The following PCDHGA6 variants were observed in gnomAD, a reference collection of about 807,000 sequenced individuals.
PCDHGA6 encodes the protein protocadherin gamma-A6.
Under a neutral mutation model 60.6 loss-of-function variants are expected in PCDHGA6, and 41 were observed. The observed-to-expected ratio is 0.68, with a 90% CI of 0.53 to 0.88. PCDHGA6 has a LOEUF of 0.88. Among genes scored for constraint, PCDHGA6 ranks in the 40% least tolerant of loss-of-function variants. The probability of loss-of-function intolerance (pLI) is 0.00; values close to 1 mark genes in which losing one functional copy is unlikely to be tolerated. For synonymous variants in PCDHGA6, 594 were observed against 524.4 expected, an observed-to-expected ratio of 1.13 and a Z score of -1.81; for missense variants, 1,312 against 1,203.0, an observed-to-expected ratio of 1.09 and a Z score of -1.34.
chr5:141,374,260 G>T lies in PCDHGA6; in HGVS notation c.177G>T (p.Leu59Phe). ...VKDLGLEPQE[L>F]AEHGVRIVSR... ...ATCTGGGACTGGAGCCCCAGGAGTT[G>T]GCGGAGCACGGAGTCCGCATCGTCT... Residue 59 changes from leucine to phenylalanine, a missense_variant, in exon 1 of 4, where the codon TTG (leucine) becomes TTT (phenylalanine). By Grantham distance (22) the Leu-to-Phe change is conservative. Transcript: ENST00000517434. The T allele has an allele frequency of 1.2e-6, 2 of 1,613,998 alleles. No individual in the cohort carries two copies. The highest frequency in any genetic ancestry group is 1.7e-6 in the Non-Finnish European group (2 of 1,179,880).
chr5:141,440,393 G>A (rs1444541990), intron 1 of PCDHGA6: 1 of 152,180 alleles, frequency 6.6e-6, no homozygotes, highest in Admixed American at 6.5e-5. Flanking sequence ...TTGAACCCGA[G>A]AGGCAATCGC....
chr5:141,403,263 T>A, intron 1 of PCDHGA6: 1 of 1,613,872 alleles, frequency 6.2e-7, no homozygotes, highest in East Asian at 2.2e-5. Flanking sequence ...CGGTGTCTGG[T>A]GAACTTTAAA....
At position 141,476,318 on chromosome 5, in the gene PCDHGA6, G is replaced by A. The variant is rs767809530; in HGVS notation, c.2425-18489G>A. ...TAGCCTCTCAGCCCGCAGGTTCCGG[G>A]TGGTGTCTGGAGCTAGCCGAAGATT... is the stretch of plus-strand genomic sequence containing the variant. On this transcript the variant is annotated intron_variant, in intron 1 of 3. Coordinates refer to ENST00000517434, the MANE Select transcript of PCDHGA6 (RefSeq NM_018919.3). This position sits in a 1 kb window ranked among gnomAD's most constrained non-coding sequence, Gnocchi z 7.6. The A allele has an allele frequency of 6.2e-6, 10 of 1,614,084 alleles. No homozygotes were observed. Among genetic ancestry groups the A allele is most frequent in the Non-Finnish European group, 7.6e-6 (9 of 1,180,060 alleles).
At chr5:141,421,930 G>A (rs780569992) in intron 1 of PCDHGA6, 1 of 1,613,480 alleles carries the variant, frequency 6.2e-7, no homozygotes, top group Non-Finnish European at 8.5e-7. Flanking sequence ...GGTGGTCCTC[G>A]ATGTAAATGA....
chr5:141,396,951 A>G (rs1444720599), intron 1 of PCDHGA6, among the ~76,000 whole-genome samples: 1 of 152,210 alleles, frequency 6.6e-6, no homozygotes, highest in African/African-American at 2.4e-5. Flanking sequence ...TAGGAAAGAA[A>G]ATCCTTACTC....
chr5:141,454,974 A>AT (rs2098808620), intron 1 of PCDHGA6, among the ~76,000 whole-genome samples: 1 of 151,182 alleles, frequency 6.6e-6, no homozygotes, highest in African/African-American at 2.4e-5. Context: ...CGCCTGGCTA[A>AT]TTTTTTAAAA....
rs566049956 is a variant in PCDHGA6 at position 141,511,685 on chromosome 5, G to A, written c.*512G>A. 1.0e-5 allele frequency: 2 copies of A among 198,374 alleles called. No individual in the cohort carries two copies. Among genetic ancestry groups the A allele is most frequent in the Non-Finnish European group, 2.1e-5 (2 of 94,428 alleles). The allele number at this position is 198,374 out of a possible 1,614,324, so 12.3% of individuals were successfully genotyped here. On this transcript the variant is annotated 3_prime_UTR_variant, in exon 4 of 4. Coordinates refer to ENST00000517434, the MANE Select transcript of PCDHGA6 (RefSeq NM_018919.3). ...GATTCTCAATCTTCCCCCAAAGCAT[G>A]GTTTGGTGCCAGCCCCTTCACCTCC...
chr5:141,459,609 T>C (rs939880462), intron 1 of PCDHGA6, among the ~76,000 whole-genome samples: 1 of 152,230 alleles, frequency 6.6e-6, no homozygotes, highest in African/African-American at 2.4e-5. Context: ...AAGTATATGC[T>C]TAACTTTATA....
chr5:141,384,903 C>T (rs1780641689), intron 1 of PCDHGA6: 1 of 1,613,992 alleles, frequency 6.2e-7, no homozygotes. Context: ...CTGACAGCAT[C>T]CCCGAAGTCT....
chr5:141,445,245 T>C (rs2098460607), intron 1 of PCDHGA6, among the ~76,000 whole-genome samples: 1 of 152,212 alleles, frequency 6.6e-6, no homozygotes, highest in Non-Finnish European at 1.5e-5. Flanking sequence ...TTACACTATA[T>C]TGTGTGAGAA....
chr5:141,394,322 G>T (rs1438978424), intron 1 of PCDHGA6: 3 of 1,613,960 alleles, frequency 1.9e-6, no homozygotes, highest in Non-Finnish European at 1.7e-6. Context: ...CCCTGTCCTC[G>T]TATATCTCCA....
At chr5:141,399,808 C>A in intron 1 of PCDHGA6, 1 of 1,613,208 alleles carries the variant, frequency 6.2e-7, no homozygotes, top group Non-Finnish European at 8.5e-7. Flanking sequence ...GGTGCTGTAC[C>A]CCGCGCTGGG....
intron 1 of PCDHGA6, among the ~76,000 whole-genome samples, chr5:141,436,998 A>T (rs985067199): frequency 6.6e-6 from 1 of 152,242 alleles, no homozygotes; most frequent in African/African-American, 2.4e-5. Context: ...GTTTACTTCA[A>T]TGGGATCTTA....
intron 1 of PCDHGA6, chr5:141,418,184 G>A: frequency 6.2e-7 from 1 of 1,614,096 alleles, no homozygotes; most frequent in Non-Finnish European, 8.5e-7. Flanking sequence ...ATTGGAAGCT[G>A]TGGTGGAAAA....
At chr5:141,496,262 C>G (rs934511905) in intron 2 of PCDHGA6, among the ~76,000 whole-genome samples, 3 of 152,158 alleles carry the variant, frequency 2.0e-5, no homozygotes, top group African/African-American at 7.2e-5. Flanking sequence ...GAAACTTCAG[C>G]AGAAAGACCT....
Position 141,443,643 on chromosome 5 carries a change from A to C in PCDHGA6, c.2425-51164A>C, listed in dbSNP as rs188777289. The stretch of plus-strand genomic sequence containing the variant: ...GTGATTGTAAAAATTGATCCAGATA[A>C]TGTTAGCATAGCATTTTACTGAACT... On this transcript the variant is annotated intron_variant, in intron 1 of 3. Coordinates refer to ENST00000517434, the MANE Select transcript of PCDHGA6 (RefSeq NM_018919.3). Among the ~76,000 whole-genome samples, 238 of 152,370 alleles carry C rather than the reference A, an allele frequency of 1.6e-3. 2 individuals are homozygous for C. The highest frequency in any genetic ancestry group is 2.5e-3 in the Non-Finnish European group (169 of 68,028).
At chr5:141,383,926 A>T in intron 1 of PCDHGA6, 1 of 1,613,888 alleles carries the variant, frequency 6.2e-7, no homozygotes. Flanking sequence ...TGTAAATGAT[A>T]ATGCTCCAGA....
chr5:141,383,368 G>C, intron 1 of PCDHGA6: 1 of 1,614,014 alleles, frequency 6.2e-7, no homozygotes, highest in Middle Eastern at 1.6e-4. Context: ...GTTAAGCGAG[G>C]CTGGGGATCC....
At chr5:141,423,227 A>C (rs1305722929) in intron 1 of PCDHGA6, 5 of 1,613,634 alleles carry the variant, frequency 3.1e-6, no homozygotes, top group Non-Finnish European at 2.5e-6. Context: ...GCTGTGGCCG[A>C]CAGCATCCCC....
Sources: gnomAD v4.1 joint callset for allele counts (sites outside exome capture counted in the v4.1 genomes callset) on GRCh38, gnomAD v4.1.1 for gene constraint, Gnocchi (gnomAD v3.1) non-coding constraint, MANE v1.5 for transcripts, NCBI Gene and HGNC (gene_info 2026-07-23, HGNC 2026-07-21) for gene names.